Variants in PITPNM2 observed in about 807,000 individuals in gnomAD.
PITPNM2 encodes the protein phosphatidylinositol transfer protein membrane associated 2.
Under a neutral mutation model 132.2 loss-of-function variants are expected in PITPNM2, and 35 were observed. The ratio of observed to expected loss-of-function variants is 0.26; its 90% CI spans 0.20 to 0.35. PITPNM2 has a LOEUF of 0.35. Ranked by LOEUF, PITPNM2 falls within the 10% of genes least tolerant of loss-of-function variation. The pLI, the probability that PITPNM2 is intolerant of heterozygous loss-of-function variation, is 1.00. For synonymous variants in PITPNM2, 738 were observed against 799.2 expected, an observed-to-expected ratio of 0.92 and a Z score of 1.29; for missense variants, 1,332 against 1,912.0, an observed-to-expected ratio of 0.70 and a Z score of 5.66.
chr12:123,034,098 T>C (rs1436914319), intron 3 of PITPNM2, among the ~76,000 whole-genome samples: 1 of 152,202 alleles, frequency 6.6e-6, no homozygotes, highest in Non-Finnish European at 1.5e-5. Context: ...AAACCGCACT[T>C]GCCAGGCCTT....
intron 2 of PITPNM2, among the ~76,000 whole-genome samples, chr12:123,055,997 T>C (rs1026924545): frequency 1.3e-5 from 2 of 152,208 alleles, no homozygotes; most frequent in Admixed American, 1.3e-4. Context: ...CCAGCCAATG[T>C]CCTGCCTCTG....
In PITPNM2 at chr12:123,108,522, C is replaced by T. The variant is rs897151628; in HGVS notation, c.-96+1863G>A. ...TGGCAACAGGACAACCACGAGGCCCCAACCCCGCAGAACCCGAGTGACCCC... is the reference window on the plus strand; with the variant it reads ...TGGCAACAGGACAACCACGAGGCCCTAACCCCGCAGAACCCGAGTGACCCC... On this transcript the variant is annotated intron_variant, in intron 2 of 25. Coordinates refer to ENST00000320201, the MANE Select transcript of PITPNM2 (RefSeq NM_020845.3). This position sits in a 1 kb window ranked among gnomAD's most constrained non-coding sequence, Gnocchi z 4.4. Among the ~76,000 whole-genome samples the T allele has an allele frequency of 6.6e-6, 1 of 152,178 alleles. No homozygotes were observed. The highest frequency in any genetic ancestry group is 1.5e-5 in the Non-Finnish European group (1 of 68,038).
intron 2 of PITPNM2, among the ~76,000 whole-genome samples, chr12:123,094,210 A>G (rs1465466243): frequency 2.6e-5 from 4 of 152,246 alleles, no homozygotes; most frequent in Admixed American, 6.5e-5. Flanking sequence ...GAGCCTCACC[A>G]GTACAGGGCT....
In PITPNM2 at chr12:123,010,042, T is replaced by C. The variant is rs558492481; in HGVS notation, c.451A>G (p.Asn151Asp). 6.8e-6 allele frequency: 11 copies of C among 1,614,206 alleles called. No individual in the cohort carries two copies. Among genetic ancestry groups the C allele is most frequent in the African/African-American group, 1.3e-5 (1 of 75,050 alleles). The change falls in exon 6 of 26, where the codon AAC becomes GAC. Residue 151 changes from asparagine to aspartate, a missense_variant. Around this residue, in one of 6 missense-constraint regions of PITPNM2, gnomAD observed 122 missense variants for 209.6 expected, o/e 0.58. Transcript: ENST00000320201. ...GGGTCCTCTTCTGTCTTATACTCGT[T>C]GTGGGGCACAGGGTCTTTGACAATG... is the stretch of plus-strand genomic sequence containing the variant. The part of the protein sequence containing the change: ...IDIVKDPVPH[N>D]EYKTEEDPKL...
rs2037863197 is a variant in PITPNM2, at chr12:122,984,668, T to TG, written c.*1358dup. 6.6e-6 allele frequency: 1 copy of TG among 152,188 alleles called. No homozygotes were observed. The highest frequency in any genetic ancestry group is 2.4e-5 in the African/African-American group (1 of 41,432). The allele number at this position is 152,188 out of a possible 1,614,324, so 9.4% of individuals were successfully genotyped here. ...CTGTGCACCTCCCCAGCCCGGTCCATGCGTCCCAACACCAGACCCAGGTCG... is the reference window on the plus strand; with the variant it reads ...CTGTGCACCTCCCCAGCCCGGTCCATGGCGTCCCAACACCAGACCCAGGTCG... On this transcript the variant is annotated 3_prime_UTR_variant, in exon 26 of 26. Transcript: ENST00000320201.
At chr12:123,012,815 G>C in intron 4 of PITPNM2, 81 bp from the exon 5 acceptor site, 1 of 1,556,598 alleles carries the variant, frequency 6.4e-7, no homozygotes, top group Non-Finnish European at 8.7e-7. Context: ...GACCCACTGG[G>C]TAGGAGTGGA....
At chr12:123,147,514 C>G (rs1163062028) in intron 1 of PITPNM2, among the ~76,000 whole-genome samples, 1 of 151,978 alleles carries the variant, frequency 6.6e-6, no homozygotes, top group Non-Finnish European at 1.5e-5. Flanking sequence ...TTTCCAGAAG[C>G]CTTTTGTGAT....
intron 8 of PITPNM2, among the ~76,000 whole-genome samples, chr12:123,003,280 C>T (rs1221320312): frequency 6.6e-6 from 1 of 152,168 alleles, no homozygotes; most frequent in Non-Finnish European, 1.5e-5. Flanking sequence ...CTTGCCGGCC[C>T]CCCTCCAGTC....
At chr12:123,073,994 GC>G (rs1201075381) in intron 2 of PITPNM2, among the ~76,000 whole-genome samples, 1 of 152,196 alleles carries the variant, frequency 6.6e-6, no homozygotes. Context: ...AAGGACAAGG[GC>G]TGAATATAGT....
intron 3 of PITPNM2, among the ~76,000 whole-genome samples, chr12:123,034,053 G>A (rs966630226): frequency 6.6e-6 from 1 of 152,198 alleles, no homozygotes; most frequent in South Asian, 2.1e-4. Context: ...GGGAGAAGGC[G>A]CCCATGTGCA....
At chr12:123,075,771 G>A (rs1592994498) in intron 2 of PITPNM2, 1 of 152,372 alleles carries the variant, frequency 6.6e-6, no homozygotes, top group African/African-American at 2.4e-5. Flanking sequence ...GGACACAGGA[G>A]GGCGGAGAGG....
At chr12:123,133,841 T>A (rs1052658516) in intron 1 of PITPNM2, among the ~76,000 whole-genome samples, 38 of 151,672 alleles carry the variant, frequency 2.5e-4, no homozygotes, top group Non-Finnish European at 7.4e-5. Flanking sequence ...TCCCTCACTG[T>A]ACACGAAAAA....
rs1157782677 is a variant in PITPNM2 at position 123,058,414 on chromosome 12, G to C, written c.-95-23729C>G. Among the ~76,000 whole-genome samples the C allele has an allele frequency of 6.6e-6, 1 of 152,162 alleles. No homozygotes were observed. Among genetic ancestry groups the C allele is most frequent in the Non-Finnish European group, 1.5e-5 (1 of 68,030 alleles). ...TAATTGGCCTCTATGTTTCCAGTTT[G>C]GTTCCTCTGAAATCCTCCTTCTAGA... is the stretch of plus-strand genomic sequence containing the variant. On this transcript the variant is annotated intron_variant, in intron 2 of 25. Transcript: ENST00000320201. This position sits in a 1 kb window ranked among gnomAD's most constrained non-coding sequence, Gnocchi z 4.0.
In PITPNM2 at chr12:123,108,109, G is replaced by A. The variant is rs1267723393; in HGVS notation, c.-96+2276C>T. On this transcript the variant is annotated intron_variant, in intron 2 of 25. Transcript: ENST00000320201. This position sits in a 1 kb window ranked among gnomAD's most constrained non-coding sequence, Gnocchi z 4.4. ...ACTGCATAAGCAAAGCGCAGAGAAT[G>A]TACCAGCATATAAACTAGACGCGGG... Among the ~76,000 whole-genome samples, 2 of 152,232 alleles carry A rather than the reference G, an allele frequency of 1.3e-5. No individual in the cohort carries two copies. The highest frequency in any genetic ancestry group is 2.4e-5 in the African/African-American group (1 of 41,458).
rs758665901 is a variant in PITPNM2, at chr12:122,992,152, GT to G, written c.2404+346del. Among the ~76,000 whole-genome samples the G allele has an allele frequency of 2.0e-4, 30 of 152,228 alleles. No homozygotes were observed. Among genetic ancestry groups the G allele is most frequent in the Non-Finnish European group, 4.0e-4 (27 of 67,988 alleles). ...GACCCAGGCCCCCTACTAAGTGAGG[GT>G]CCCTGCTGGGTCCTTAGCTCTGTCT... On this transcript the variant is annotated intron_variant, in intron 16 of 25. Coordinates refer to ENST00000320201, the MANE Select transcript of PITPNM2 (RefSeq NM_020845.3). This position sits in a 1 kb window ranked among gnomAD's most constrained non-coding sequence, Gnocchi z 6.5.
In PITPNM2 at chr12:122,996,197, G is replaced by A. The variant is rs1004537966; in HGVS notation, c.1782+261C>T. Among the ~76,000 whole-genome samples the A allele has an allele frequency of 2.6e-5, 4 of 152,174 alleles. No homozygotes were observed. The East Asian group carries it at 7.7e-4, about 29-fold the overall frequency. On this transcript the variant is annotated intron_variant, in intron 13 of 25. Transcript: ENST00000320201. ...TGTGCTGGGCTTCCTCAGCTCCCCT[G>A]CACCCCCAACCCCTCCACAGCCCCT...
At chr12:123,112,700 G>A (rs773522599) in intron 1 of PITPNM2, among the ~76,000 whole-genome samples, 6 of 151,844 alleles carry the variant, frequency 4.0e-5, no homozygotes, top group Non-Finnish European at 8.8e-5. Flanking sequence ...ACCACGCCTG[G>A]CTAATTTTTT....
At chr12:123,015,801 A>G (rs2039404699) in intron 3 of PITPNM2, among the ~76,000 whole-genome samples, 1 of 152,202 alleles carries the variant, frequency 6.6e-6, no homozygotes, top group Admixed American at 6.5e-5. Flanking sequence ...AGCACTATGA[A>G]GAGAGAAAAA....
At chr12:122,997,156 G>A (rs1290705530) in intron 11 of PITPNM2, among the ~76,000 whole-genome samples, 169 bp downstream of exon 11, 3 of 152,212 alleles carry the variant, frequency 2.0e-5, no homozygotes, top group Middle Eastern at 3.2e-3. Context: ...CCTGGGACTC[G>A]AGGCTTAGCC....
Sources: gnomAD v4.1 joint callset for allele counts (sites outside exome capture counted in the v4.1 genomes callset) on GRCh38, gnomAD v4.1.1 for gene constraint, gnomAD v4.1.1 regional missense constraint, Gnocchi (gnomAD v3.1) non-coding constraint, MANE v1.5 for transcripts, NCBI Gene and HGNC (gene_info 2026-07-23, HGNC 2026-07-21) for gene names.